The following CTIF variants were observed in gnomAD, a reference collection of about 807,000 sequenced individuals.
The protein encoded by CTIF is cap binding complex dependent translation initiation factor, also known as CBP80/20-dependent translation initiation factor.
Under a neutral mutation model 66.0 loss-of-function variants are expected in CTIF, and 21 were observed. That is an observed-to-expected ratio of 0.32 (90% CI 0.23 to 0.46). The LOEUF is 0.46. Among genes scored for constraint, CTIF ranks in the 20% least tolerant of loss-of-function variants. The pLI is 1.00. For synonymous variants in CTIF, 345 were observed against 326.4 expected, an observed-to-expected ratio of 1.06 and a Z score of -0.62; for missense variants, 739 against 812.7, an observed-to-expected ratio of 0.91 and a Z score of 1.10.
intron 1 of CTIF, among the ~76,000 whole-genome samples, chr18:48,586,131 G>A (rs2089761552): frequency 6.6e-6 from 1 of 152,044 alleles, no homozygotes; most frequent in Non-Finnish European, 1.5e-5. Context: ...TTATTTCTAG[G>A]TTCTACATAT....
At chr18:48,799,149 G>T (rs2067996356) in intron 9 of CTIF, among the ~76,000 whole-genome samples, 1 of 152,208 alleles carries the variant, frequency 6.6e-6, no homozygotes, top group African/African-American at 2.4e-5. Context: ...GATCAAGCCA[G>T]ATTTTAAGGG....
intron 9 of CTIF, among the ~76,000 whole-genome samples, chr18:48,771,951 C>T (rs1910178285): frequency 6.6e-6 from 1 of 152,250 alleles, no homozygotes; most frequent in Non-Finnish European, 1.5e-5. Flanking sequence ...ACCGCCTGGG[C>T]TGATGGAAAA....
chr18:48,711,433 T>G (rs2092222371), intron 6 of CTIF, among the ~76,000 whole-genome samples, 186 bp from the exon 7 acceptor site: 1 of 152,262 alleles, frequency 6.6e-6, no homozygotes, highest in Non-Finnish European at 1.5e-5. Context: ...CATCACTGCC[T>G]GGTAGGAAGT....
intron 6 of CTIF, among the ~76,000 whole-genome samples, chr18:48,683,620 C>T (rs1274659523): frequency 6.6e-6 from 1 of 152,026 alleles, no homozygotes; most frequent in Non-Finnish European, 1.5e-5. Flanking sequence ...CCTTTTGGCA[C>T]CCCACCCCCA....
In CTIF at chr18:48,758,387, G is replaced by A. The variant is rs758000049; in HGVS notation, c.1053G>A (p.Arg351=). 3.1e-6 allele frequency: 5 copies of A among 1,591,300 alleles called. No individual in the cohort carries two copies. Among genetic ancestry groups the A allele is most frequent in the Non-Finnish European group, 4.3e-6 (5 of 1,168,820 alleles). The change falls in exon 8 of 12, where the codon CGG becomes CGA. Residue 351 remains arginine, a synonymous_variant. Coordinates refer to ENST00000256413, the MANE Select transcript of CTIF (RefSeq NM_014772.3). The part of the protein sequence containing the change: ...TLLQSSKDRL[R]RRLKEKDEVA... ...TCCAGTCTTCCAAAGACAGACTGCG[G>A]CGAAGGCTAAAGGAAAAGGTACCGG...
At chr18:48,546,407 G>A (rs779688593) in intron 1 of CTIF, among the ~76,000 whole-genome samples, 2 of 152,096 alleles carry the variant, frequency 1.3e-5, no homozygotes, top group Non-Finnish European at 2.9e-5. Context: ...CCATAAGCAC[G>A]TCCAAAAGGG....
Position 48,757,922 on chromosome 18 carries a change from G to A in CTIF, c.588G>A (p.Arg196=). The A allele has an allele frequency of 6.2e-7, 1 of 1,609,838 alleles. No individual in the cohort carries two copies. The highest frequency in any genetic ancestry group is 1.1e-5 in the South Asian group (1 of 90,992). The change falls in exon 8 of 12, where the codon CGG becomes CGA. Residue 196 remains arginine (R), a synonymous_variant. Coordinates refer to ENST00000256413, the MANE Select transcript of CTIF (RefSeq NM_014772.3). The part of the protein sequence containing the change: ...LFRRRRNDRR[R]QQRPPGGNKP... ...GTCTTTCCTCTTCCGTTTGCAGGCG[G>A]CAGCAGAGACCTCCGGGGGGCAACA... is the stretch of plus-strand genomic sequence containing the variant.
chr18:48,574,210 G>A (rs1439082208), intron 1 of CTIF, among the ~76,000 whole-genome samples: 1 of 152,250 alleles, frequency 6.6e-6, no homozygotes, highest in Non-Finnish European at 1.5e-5. Context: ...GATGCCAGCT[G>A]CCCGGAGTTG....
intron 1 of CTIF, among the ~76,000 whole-genome samples, chr18:48,583,646 G>A (rs1475293056): frequency 6.6e-6 from 1 of 152,114 alleles, no homozygotes; most frequent in African/African-American, 2.4e-5. Flanking sequence ...TCACTACCCC[G>A]TCCTCCATGC....
At chr18:48,803,841 A>G (rs1467678720) in intron 9 of CTIF, among the ~76,000 whole-genome samples, 2 of 152,312 alleles carry the variant, frequency 1.3e-5, no homozygotes, top group South Asian at 2.1e-4. Flanking sequence ...GCTGACCGCC[A>G]TCTTAGCCAT....
chr18:48,715,760 G>A (rs900246), intron 7 of CTIF, among the ~76,000 whole-genome samples: 37,622 of 152,160 alleles, frequency 0.25, 5,108 homozygotes, highest in African/African-American at 0.34. Flanking sequence ...ATCAGCAGCT[G>A]CTTTTAAAGG....
intron 2 of CTIF, among the ~76,000 whole-genome samples, chr18:48,624,210 C>A (rs1013395075): frequency 6.6e-6 from 1 of 151,504 alleles, no homozygotes; most frequent in Non-Finnish European, 1.5e-5. Context: ...TTCAGGAGCA[C>A]CTGCTGTCCA....
intron 6 of CTIF, among the ~76,000 whole-genome samples, chr18:48,682,172 T>G (rs2091757656): frequency 6.6e-6 from 1 of 152,174 alleles, no homozygotes; most frequent in Non-Finnish European, 1.5e-5. Context: ...TGCGTTAGTT[T>G]ATTGATTCAC....
At chr18:48,555,096 T>C (rs2088985654) in intron 1 of CTIF, among the ~76,000 whole-genome samples, 1 of 152,234 alleles carries the variant, frequency 6.6e-6, no homozygotes, top group South Asian at 2.1e-4. Context: ...CTTTTATCAA[T>C]GCTTCTCCTA....
chr18:48,829,677 G>A (rs184167864), intron 10 of CTIF, among the ~76,000 whole-genome samples: 316 of 152,306 alleles, frequency 2.1e-3, no homozygotes, highest in Non-Finnish European at 3.0e-3. Context: ...AGCACGCTGG[G>A]GTCCCTGTCC....
chr18:48,849,360 G>C (rs141608868), intron 10 of CTIF, among the ~76,000 whole-genome samples: 3,135 of 151,460 alleles, frequency 0.021, 43 homozygotes, highest in Non-Finnish European at 0.029. Flanking sequence ...ACCATGCCTG[G>C]CAAATTTTTG....
chr18:48,732,535 A>G (rs1234938604), intron 7 of CTIF, among the ~76,000 whole-genome samples: 2 of 152,188 alleles, frequency 1.3e-5, no homozygotes, highest in African/African-American at 4.8e-5. Context: ...AAGCTGCTGC[A>G]AAGCCGTCCC....
chr18:48,553,653 CTTTTTCCTTTTTTTTTTTT>C (rs1278224233), intron 1 of CTIF, among the ~76,000 whole-genome samples: 1 of 148,932 alleles, frequency 6.7e-6, no homozygotes, highest in African/African-American at 2.5e-5. Flanking sequence ...TTTTCTTTTT[CTTTTTCCTTTTTTTTTTTT>C]TTGAGACAAG....
intron 1 of CTIF, among the ~76,000 whole-genome samples, chr18:48,596,728 G>A (rs545773042): frequency 3.9e-5 from 6 of 152,084 alleles, no homozygotes; most frequent in South Asian, 2.1e-4. Flanking sequence ...CGCCCACCTC[G>A]GCCTCCCAAA....
Sources: allele counts gnomAD v4.1 joint callset (sites outside exome capture counted in the v4.1 genomes callset), GRCh38; gene constraint gnomAD v4.1.1; transcripts MANE v1.5; gene names NCBI Gene and HGNC (gene_info 2026-07-23, HGNC 2026-07-21).